Variants in RYR2 observed in about 807,000 individuals in gnomAD.
The protein encoded by RYR2 is ryanodine receptor 2, also known as cardiac muscle ryanodine receptor-calcium release channel.
In RYR2, 227 loss-of-function variants were observed where a neutral mutation model predicts 601.1. The observed-to-expected ratio is 0.38, with a 90% confidence interval of 0.34 to 0.42. The LOEUF is 0.42. Ranked by LOEUF, RYR2 falls within the 10% of genes least tolerant of loss-of-function variation. RYR2 has a pLI of 1.00. For synonymous variants in RYR2, 2,223 were observed against 2,175.1 expected, an observed-to-expected ratio of 1.02 and a Z score of -0.61; for missense variants, 4,646 against 6,156.5, an observed-to-expected ratio of 0.75 and a Z score of 8.21.
intron 56 of RYR2, 44 bp from the exon 57 acceptor site, chr1:237,666,468 C>T (rs1307166056): frequency 6.5e-7 from 1 of 1,534,352 alleles, no homozygotes; most frequent in South Asian, 1.2e-5. Flanking sequence ...TCTCTCTTCA[C>T]AAGGTTTTTA....
In RYR2 at chr1:237,251,204, C is replaced by T. The variant is rs558604032; in HGVS notation, c.49-19293C>T. Among the ~76,000 whole-genome samples the T allele has an allele frequency of 2.9e-3, 439 of 152,242 alleles. 3 individuals are homozygous for T. Among genetic ancestry groups the T allele is most frequent in the African/African-American group, 9.3e-3 (388 of 41,526 alleles). ...CCCCAGATATTTACTTTTTTGACTC[C>T]ATATCGTCTTCAGCTACTATACCAT... On this transcript the variant is annotated intron_variant, in intron 1 of 104. Coordinates refer to ENST00000366574, the MANE Select transcript of RYR2 (RefSeq NM_001035.3).
intron 16 of RYR2, among the ~76,000 whole-genome samples, chr1:237,467,325 A>G (rs2150291642): frequency 6.6e-6 from 1 of 151,870 alleles, no homozygotes; most frequent in South Asian, 2.1e-4. Flanking sequence ...TTTAAACAAA[A>G]GGGACTCTTA....
rs145555921 is a variant in RYR2, at chr1:237,189,260, T to C, written c.49-81237T>C. On this transcript the variant is annotated intron_variant, in intron 1 of 104. Coordinates refer to ENST00000366574, the MANE Select transcript of RYR2 (RefSeq NM_001035.3). The stretch of plus-strand genomic sequence containing the variant: ...AGGCTTCATAATGTCACGTTGTGTA[T>C]ATATTTATCTGTATACATGACAGTT... 5.3e-3 allele frequency among the ~76,000 whole-genome samples: 809 copies of C among 152,346 alleles called. 7 individuals carry two copies. The highest frequency in any genetic ancestry group is 0.03 in the South Asian group (143 of 4,824).
At chr1:237,542,698 A>T (rs1488616058) in intron 25 of RYR2, among the ~76,000 whole-genome samples, 1 of 152,126 alleles carries the variant, frequency 6.6e-6, no homozygotes, top group Non-Finnish European at 1.5e-5. Flanking sequence ...AAAGCTAAGA[A>T]TGCTCTCTCT....
At chr1:237,168,401 A>G (rs551378108) in intron 1 of RYR2, among the ~76,000 whole-genome samples, 36 of 152,238 alleles carry the variant, frequency 2.4e-4, no homozygotes, top group Non-Finnish European at 4.1e-4. Context: ...TGGGTCATTT[A>G]TTTGATGGCT....
At position 237,769,011 on chromosome 1, in the gene RYR2, A is replaced by C. The variant is rs1357152; in HGVS notation, c.11477-1796A>C. 1.6e-3 allele frequency among the ~76,000 whole-genome samples: 237 copies of C among 152,364 alleles called. 7 individuals carry two copies. The East Asian group carries it at 0.039, about 25-fold the overall frequency. On this transcript the variant is annotated intron_variant, in intron 84 of 104. Transcript: ENST00000366574. ...TGTTATAAATCATTATGCATTGTGC[A>C]GAGCATTTTTAGGTACACAGGTAGA... is the stretch of plus-strand genomic sequence containing the variant.
At chr1:237,628,222 T>C (rs959947525) in intron 41 of RYR2, 142 bp downstream of exon 41, 10 of 1,033,274 alleles carry the variant, frequency 9.7e-6, no homozygotes, top group Non-Finnish European at 1.4e-5. Context: ...TTCTTTTTTT[T>C]ATTTATTATT....
intron 38 of RYR2, among the ~76,000 whole-genome samples, chr1:237,619,636 G>A (rs748241626): frequency 1.1e-4 from 17 of 152,026 alleles, no homozygotes; most frequent in South Asian, 2.1e-4. Context: ...AGTACATTCC[G>A]TATAGGATAA....
Position 237,742,318 on chromosome 1 carries a change from A to G in RYR2, c.11114A>G (p.Asp3705Gly). 1 of 1,563,052 alleles carries G rather than the reference A, an allele frequency of 6.4e-7. No individual in the cohort carries two copies. Among genetic ancestry groups the G allele is most frequent in the Non-Finnish European group, 8.7e-7 (1 of 1,151,072 alleles). The part of the protein sequence containing the change: ...MAKSCHDEED[D>G]DGEEEVKSFE... Reference sequence around the variant, plus strand: ...CAGAGTTGTCATGATGAGGAAGATGACGATGGTGAAGAGGAAGTGAAGAGT... The same window carrying G: ...CAGAGTTGTCATGATGAGGAAGATGGCGATGGTGAAGAGGAAGTGAAGAGT... Residue 3705 changes from aspartate (D) to glycine (G), a missense_variant, in exon 80 of 105, where the codon GAC (aspartate) becomes GGC (glycine). Coordinates refer to ENST00000366574, the MANE Select transcript of RYR2 (RefSeq NM_001035.3).
At position 237,500,866 on chromosome 1, in the gene RYR2, C is replaced by G; in HGVS notation, c.2359C>G (p.Leu787Val). ...GMFENFNIDG[L>V]FFPVVSFSAG... is the part of the protein sequence containing the mutation. ...GTTTGAGAATTTCAACATCGATGGC[C>G]TCTTCTTTCCAGTCGTTAGTTTCTC... The change falls in exon 21 of 105, where the codon CTC (leucine) becomes GTC (valine). Residue 787 changes from leucine to valine, a missense_variant. By Grantham distance (32) the Leu-to-Val change is conservative. Around this residue, in one of 17 missense-constraint regions of RYR2, gnomAD observed 1,807 missense variants for 2,088.1 expected, o/e 0.87. Coordinates refer to ENST00000366574, the MANE Select transcript of RYR2 (RefSeq NM_001035.3). 6.2e-7 allele frequency: 1 copy of G among 1,614,014 alleles called. No homozygotes were observed. The highest frequency in any genetic ancestry group is 1.3e-5 in the African/African-American group (1 of 75,044).
In RYR2 at chr1:237,284,553, T is replaced by TATAG. The variant is rs1483194048; in HGVS notation, c.168+13940_168+13941insGATA. Among the ~76,000 whole-genome samples the TATAG allele has an allele frequency of 1.4e-5, 2 of 144,436 alleles. 1 individual carries two copies. Among genetic ancestry groups the TATAG allele is most frequent in the Non-Finnish European group, 3.0e-5 (2 of 67,034 alleles). 94.8% of individuals were successfully genotyped at this position (144,436 alleles called of 152,430 possible). On this transcript the variant is annotated intron_variant, in intron 2 of 104. Transcript: ENST00000366574. The stretch of plus-strand genomic sequence containing the variant: ...TGTGTATATATATAGTGTGTGTATA[T>TATAG]ATATATTCCACCATATATATACACA...
At chr1:237,584,808 A>C (rs1674343571) in intron 29 of RYR2, among the ~76,000 whole-genome samples, 1 of 151,936 alleles carries the variant, frequency 6.6e-6, no homozygotes, top group Non-Finnish European at 1.5e-5. Context: ...CCACAGGCAC[A>C]TGCCACCATG....
At chr1:237,673,642 C>A (rs1685147578) in intron 58 of RYR2, among the ~76,000 whole-genome samples, 1 of 152,136 alleles carries the variant, frequency 6.6e-6, no homozygotes, top group Non-Finnish European at 1.5e-5. Flanking sequence ...AGATATAATA[C>A]AAATTCCATA....
chr1:237,689,684 C>T (rs1686767404), intron 63 of RYR2, among the ~76,000 whole-genome samples: 1 of 151,934 alleles, frequency 6.6e-6, no homozygotes, highest in Admixed American at 6.6e-5. Context: ...GGTATGTTTT[C>T]TTTATATCTC....
At chr1:237,641,471 G>T (rs1539442) in intron 47 of RYR2, among the ~76,000 whole-genome samples, 58,558 of 108,338 alleles carry the variant, frequency 0.54, 13,888 homozygotes, top group African/African-American at 0.7. Flanking sequence ...GTGTCTGTCT[G>T]TCTTTCTTTC....
chr1:237,327,137 C>T (rs940232410), intron 2 of RYR2, among the ~76,000 whole-genome samples: 1 of 152,028 alleles, frequency 6.6e-6, no homozygotes, highest in Non-Finnish European at 1.5e-5. Flanking sequence ...ATTAAGTTTT[C>T]CTGAAAGGTA....
chr1:237,541,129 A>C (rs909877587), intron 25 of RYR2, among the ~76,000 whole-genome samples: 1 of 152,238 alleles, frequency 6.6e-6, no homozygotes, highest in East Asian at 1.9e-4. Flanking sequence ...GTAATTATGA[A>C]GAAAAGAAAA....
At chr1:237,112,979 C>T (rs1487744943) in intron 1 of RYR2, among the ~76,000 whole-genome samples, 1 of 152,092 alleles carries the variant, frequency 6.6e-6, no homozygotes, top group Non-Finnish European at 1.5e-5. Context: ...TTCACGGAAC[C>T]TCAACGGGGA....
Position 237,106,496 on chromosome 1 carries a change from C to T in RYR2, c.48+63927C>T, listed in dbSNP as rs549508576. On this transcript the variant is annotated intron_variant, in intron 1 of 104. Transcript: ENST00000366574. The surrounding 1 kb of genome is among the most constrained non-coding windows in gnomAD (Gnocchi z 4.4). ...TGATGTTTCACCAGCTAAGATGGAG[C>T]GGTCCTGGAAAGAGTGAAGATCAAG... 1.1e-4 allele frequency among the ~76,000 whole-genome samples: 16 copies of T among 152,202 alleles called. No individual in the cohort carries two copies. Among genetic ancestry groups the T allele is most frequent in the Middle Eastern group, 3.4e-3 (1 of 294 alleles).
Sources: allele counts gnomAD v4.1 joint callset (sites outside exome capture counted in the v4.1 genomes callset), GRCh38; gene constraint gnomAD v4.1.1; regional missense constraint gnomAD v4.1.1; non-coding constraint Gnocchi (gnomAD v3.1); transcripts MANE v1.5; gene names NCBI Gene and HGNC (gene_info 2026-07-23, HGNC 2026-07-21).